Variants in ZNF75A observed in about 807,000 individuals in gnomAD.
ZNF75A encodes zinc finger protein 75A.
ZNF75A carries 36 observed loss-of-function variants against 46.3 expected under a neutral mutation model. That is an observed-to-expected ratio of 0.78 (90% CI 0.60 to 1.03). The LOEUF (loss-of-function observed/expected upper bound fraction) is 1.03. Ranked by LOEUF, ZNF75A falls within the 50% of genes least tolerant of loss-of-function variation. The pLI is 0.00. For missense variants in ZNF75A, 595 were observed against 551.3 expected (o/e 1.08, Z -0.79); for synonymous variants, 234 against 189.9 (o/e 1.23, Z -1.91).
chr16:3,322,967 T>G (rs1024447301), downstream of ZNF75A: 2 of 983,416 alleles, frequency 2.0e-6, no homozygotes. Flanking sequence ...AGGCAGCCAA[T>G]GTAGAAAATG....
chr16:3,312,640 A>G (rs1025025300), intron 3 of ZNF75A, 37 bp from the exon 4 acceptor site: 45 of 922,836 alleles, frequency 4.9e-5, no homozygotes, highest in Non-Finnish European at 5.7e-5. Context: ...ATGTTTATAG[A>G]TAAAAGAGAT....
chr16:3,310,671 A>G, intron 2 of ZNF75A: 1 of 985,690 alleles, frequency 1.0e-6, no homozygotes, highest in Non-Finnish European at 1.2e-6. Context: ...GGAAGACTGC[A>G]CAAGAAAAGA....
chr16:3,317,923 G>T lies in ZNF75A; in HGVS notation c.*54G>T. On this transcript the variant is annotated 3_prime_UTR_variant, in exon 7 of 7. Transcript: ENST00000669516. ...GAAGACATTCACCAAATGGAGCTTG[G>T]CACTAAAATTTATGTAAAAGAAAAA... 1.3e-6 allele frequency: 2 copies of T among 1,505,382 alleles called. No homozygotes were observed. Among genetic ancestry groups the T allele is most frequent in the Non-Finnish European group, 8.9e-7 (1 of 1,128,614 alleles). 93.3% of individuals were successfully genotyped at this position (1,505,382 alleles called of 1,614,324 possible).
chr16:3,322,530 A>G (rs2029981672), downstream of ZNF75A, among the ~76,000 whole-genome samples: 1 of 152,192 alleles, frequency 6.6e-6, no homozygotes, highest in Non-Finnish European at 1.5e-5. Flanking sequence ...CTCCTGTGAA[A>G]GGAATTAAGC....
At chr16:3,318,956 C>G (rs903124654), downstream of ZNF75A, 2 of 556,498 alleles carry the variant, frequency 3.6e-6, no homozygotes, top group Non-Finnish European at 4.6e-6. Context: ...TTAACAGCAG[C>G]CTCAGGTGAT....
downstream of ZNF75A, among the ~76,000 whole-genome samples, chr16:3,322,586 A>G (rs905993225): frequency 1.3e-5 from 2 of 152,220 alleles, no homozygotes; most frequent in Non-Finnish European, 2.9e-5. Context: ...AACTATCTGA[A>G]TCACTTTTCA....
At chr16:3,315,523 C>T (rs1333943809) in intron 5 of ZNF75A, among the ~76,000 whole-genome samples, 1 of 152,042 alleles carries the variant, frequency 6.6e-6, no homozygotes, top group African/African-American at 2.4e-5. Flanking sequence ...CCTGATCTTG[C>T]CATCATACCC....
Position 3,318,143 on chromosome 16 carries a change from A to T in ZNF75A, c.*274A>T. ...CATTGGCAGCATGGTCTTCCAAAAC[A>T]AAAAGCAGTAACATGCATGTTTAAT... is the stretch of plus-strand genomic sequence containing the variant. On this transcript the variant is annotated 3_prime_UTR_variant, in exon 7 of 7. Coordinates refer to ENST00000669516, the MANE Select transcript of ZNF75A (RefSeq NM_001302109.2). The T allele has an allele frequency of 1.7e-6, 2 of 1,180,992 alleles. No individual in the cohort carries two copies. The highest frequency in any genetic ancestry group is 1.0e-6 in the Non-Finnish European group (1 of 954,926). The allele number at this position is 1,180,992 out of a possible 1,614,324, so 73.2% of individuals were successfully genotyped here.
intron 2 of ZNF75A, chr16:3,309,549 C>G (rs1352940570): frequency 6.6e-6 from 1 of 151,748 alleles, no homozygotes; most frequent in East Asian, 1.9e-4. Context: ...GCAGACAGAT[C>G]CCCTGAGCCC....
downstream of ZNF75A, among the ~76,000 whole-genome samples, chr16:3,322,121 A>G (rs761123241): frequency 6.6e-6 from 1 of 152,012 alleles, no homozygotes; most frequent in East Asian, 1.9e-4. Context: ...AGCTCTCCCC[A>G]CATTCTCTGT....
rs1279865203 is a variant in ZNF75A, at chr16:3,318,572, G to C, written c.*703G>C. On this transcript the variant is annotated 3_prime_UTR_variant, in exon 7 of 7. Coordinates refer to ENST00000669516, the MANE Select transcript of ZNF75A (RefSeq NM_001302109.2). The stretch of plus-strand genomic sequence containing the variant: ...TTCTGCAATAAAAGAAACTAGACTT[G>C]TTAATCCCTGCCTTGCAATGTCAGT... 1.4e-5 allele frequency: 14 copies of C among 985,410 alleles called. No homozygotes were observed. Among genetic ancestry groups the C allele is most frequent in the Non-Finnish European group, 1.7e-5 (14 of 829,922 alleles). 61.0% of individuals were successfully genotyped at this position (985,410 alleles called of 1,614,324 possible). A position where few individuals can be genotyped will look rare whatever the true frequency, so the allele number is the denominator to read the frequency against.
intron 2 of ZNF75A, among the ~76,000 whole-genome samples, chr16:3,309,830 G>A (rs549404262): frequency 6.6e-6 from 1 of 151,830 alleles, no homozygotes; most frequent in Admixed American, 6.6e-5. Flanking sequence ...AAATTGGCCA[G>A]GTTCGGTGGC....
Position 3,312,726 on chromosome 16 carries a change from A to G in ZNF75A, c.654A>G (p.Lys218=). Residue 218 remains lysine, a synonymous_variant, in exon 4 of 7, where the codon AAA becomes AAG. Coordinates refer to ENST00000669516, the MANE Select transcript of ZNF75A (RefSeq NM_001302109.2). The part of the protein sequence containing the change: ...ILAFPEQTNT[K]DWTVTPEHVL... ...CTTTTCCTGAGCAAACAAACACCAAAGACTGGACAGTGACACCTGAGCACG... is the reference window on the plus strand; with the variant it reads ...CTTTTCCTGAGCAAACAAACACCAAGGACTGGACAGTGACACCTGAGCACG... 1 of 1,033,668 alleles carries G rather than the reference A, an allele frequency of 9.7e-7. No individual in the cohort carries two copies. Among genetic ancestry groups the G allele is most frequent in the Non-Finnish European group, 1.2e-6 (1 of 860,336 alleles). 64.0% of individuals were successfully genotyped at this position (1,033,668 alleles called of 1,614,324 possible). A position where few individuals can be genotyped will look rare whatever the true frequency, so the allele number is the denominator to read the frequency against.
intron 5 of ZNF75A, among the ~76,000 whole-genome samples, chr16:3,314,313 C>T (rs1393446921): frequency 6.6e-6 from 1 of 152,206 alleles, no homozygotes; most frequent in East Asian, 1.9e-4. Flanking sequence ...ACAGCTGTGC[C>T]TGCTCAACAG....
intron 5 of ZNF75A, among the ~76,000 whole-genome samples, chr16:3,315,593 A>G (rs973299538): frequency 2.0e-5 from 3 of 152,082 alleles, no homozygotes; most frequent in African/African-American, 7.2e-5. Context: ...GACTGCAACC[A>G]TGTTTCAGCC....
Position 3,308,708 on chromosome 16 carries a change from G to T in ZNF75A, c.280G>T (p.Glu94Ter). 1 of 993,690 alleles carries T rather than the reference G, an allele frequency of 1.0e-6. No homozygotes were observed. Among genetic ancestry groups the T allele is most frequent in the Non-Finnish European group, 1.2e-6 (1 of 833,674 alleles). The allele number at this position is 993,690 out of a possible 1,614,324, so 61.6% of individuals were successfully genotyped here. The change falls in exon 2 of 7, where the codon GAG becomes TAG. Residue 94 changes from glutamate to a stop codon, truncating the protein, a stop_gained. Coordinates refer to ENST00000669516, the MANE Select transcript of ZNF75A (RefSeq NM_001302109.2). LOFTEE classifies it high-confidence loss of function. The part of the protein sequence containing the change: ...KEQILELLVL[E>*]QFLTILPRET... ...GCAGATACTGGAACTGCTGGTGCTG[G>T]AGCAGTTCCTGACTATTCTGCCCAG...
rs970667130 is a variant in ZNF75A at position 3,317,782 on chromosome 16, A to T, written c.1527A>T (p.Thr509=). Residue 509 remains threonine (T), a synonymous_variant, in exon 7 of 7, where the codon ACA becomes ACT. Coordinates refer to ENST00000669516, the MANE Select transcript of ZNF75A (RefSeq NM_001302109.2). ...TTATTAAACACCGGAGAACCCACAC[A>T]GGTGAGCAGCCATATACTTGTAGCA... The part of the protein sequence containing the change: ...SHLIKHRRTH[T]GEQPYTCSIC... 1.2e-6 allele frequency: 2 copies of T among 1,614,230 alleles called. No homozygotes were observed. Among genetic ancestry groups the T allele is most frequent in the Middle Eastern group, 1.6e-4 (1 of 6,062 alleles).
In ZNF75A at chr16:3,313,050, G is replaced by A. The variant is rs775620478; in HGVS notation, c.698G>A (p.Ser233Asn). Residue 233 changes from serine to asparagine, a missense_variant and splice_region_variant, in exon 5 of 7, where the codon AGC (serine) becomes AAC (asparagine). By Grantham distance (46) the Ser-to-Asn change is conservative (BLOSUM62 1). Transcript: ENST00000669516. ...GCTGAAGTCCATTCTCTTCTTTAGAGCTTGTTGACATTTGAAGAAGTGGCC... is the reference window on the plus strand; with the variant it reads ...GCTGAAGTCCATTCTCTTCTTTAGAACTTGTTGACATTTGAAGAAGTGGCC... ...TPEHVLPESQ[S>N]LLTFEEVAMY... 1.2e-6 allele frequency: 2 copies of A among 1,611,858 alleles called. No homozygotes were observed. Among genetic ancestry groups the A allele is most frequent in the Non-Finnish European group, 1.7e-6 (2 of 1,178,622 alleles).
At chr16:3,306,820 G>C (rs990261367) in intron 1 of ZNF75A, 4 of 152,042 alleles carry the variant, frequency 2.6e-5, no homozygotes, top group Non-Finnish European at 5.9e-5. Context: ...TCTGAAAATA[G>C]GCTACTTTTT....
Sources: gnomAD v4.1 joint callset for allele counts (sites outside exome capture counted in the v4.1 genomes callset) on GRCh38, gnomAD v4.1.1 for gene constraint, MANE v1.5 for transcripts, NCBI Gene and HGNC (gene_info 2026-07-23, HGNC 2026-07-21) for gene names.